SNTG1: variants seen among roughly 807,000 people sequenced by gnomAD.
The protein encoded by SNTG1 is gamma-1-syntrophin.
In SNTG1, 39 loss-of-function variants were observed where a neutral mutation model predicts 74.7. The observed-to-expected ratio is 0.52, with a 90% CI of 0.40 to 0.68. SNTG1 has a LOEUF of 0.68. SNTG1 is among the 30% of genes least tolerant of loss of function. SNTG1 has a pLI of 0.00. For synonymous variants in SNTG1, 254 were observed against 217.1 expected (o/e 1.17, Z -1.49); for missense variants, 685 against 609.5 (o/e 1.12, Z -1.30).
chr8:50,562,052 T>G (rs75570354), intron 12 of SNTG1, among the ~76,000 whole-genome samples: 5,125 of 152,318 alleles, frequency 0.034, 138 homozygotes, highest in African/African-American at 0.064. Context: ...CTCCTAAAAT[T>G]TTCTGATTTA....
chr8:50,768,871 T>C (rs113632688), intron 18 of SNTG1, among the ~76,000 whole-genome samples: 115 of 152,176 alleles, frequency 7.6e-4, no homozygotes, highest in African/African-American at 2.5e-3. Context: ...TGTGCAGGTG[T>C]GTGTTTGTGT....
intron 8 of SNTG1, among the ~76,000 whole-genome samples, chr8:50,470,408 T>C (rs2093642441): frequency 6.6e-6 from 1 of 152,160 alleles, no homozygotes; most frequent in Non-Finnish European, 1.5e-5. Flanking sequence ...TTCTTAAAGA[T>C]GGTGTGTCTG....
At chr8:50,464,824 T>A (rs903098108) in intron 8 of SNTG1, among the ~76,000 whole-genome samples, 1 of 152,054 alleles carries the variant, frequency 6.6e-6, no homozygotes, top group Non-Finnish European at 1.5e-5. Flanking sequence ...TCTGTTAACA[T>A]AGTATCTGTT....
chr8:50,567,043 T>G (rs2094520021), intron 12 of SNTG1, among the ~76,000 whole-genome samples: 1 of 152,084 alleles, frequency 6.6e-6, no homozygotes, highest in African/African-American at 2.4e-5. Context: ...GTATAAGAGT[T>G]TACACATCTT....
chr8:50,469,388 C>G (rs770679669), intron 8 of SNTG1, among the ~76,000 whole-genome samples: 1 of 152,144 alleles, frequency 6.6e-6, no homozygotes, highest in African/African-American at 2.4e-5. Flanking sequence ...GTGTCCACCC[C>G]CACCACGGTC....
At chr8:50,580,733 G>T (rs1218237623) in intron 12 of SNTG1, among the ~76,000 whole-genome samples, 1 of 152,030 alleles carries the variant, frequency 6.6e-6, no homozygotes, top group African/African-American at 2.4e-5. Context: ...GTTTCTTGAG[G>T]CCTCCCCAGG....
At chr8:50,227,424 C>T (rs1007338179) in intron 2 of SNTG1, among the ~76,000 whole-genome samples, 17 of 152,112 alleles carry the variant, frequency 1.1e-4, no homozygotes, top group African/African-American at 4.1e-4. Context: ...AAAACCTACT[C>T]TACAAGGCAA....
At chr8:50,604,441 A>C (rs905007132) in intron 13 of SNTG1, among the ~76,000 whole-genome samples, 3 of 152,100 alleles carry the variant, frequency 2.0e-5, no homozygotes, top group Admixed American at 2.0e-4. Flanking sequence ...AAAAAAAGAA[A>C]ACCTTAGAAA....
intron 13 of SNTG1, among the ~76,000 whole-genome samples, chr8:50,600,092 G>T (rs1412588728): frequency 6.6e-6 from 1 of 152,132 alleles, no homozygotes; most frequent in East Asian, 1.9e-4. Flanking sequence ...CTGTTGACAT[G>T]ATGTGTCACA....
chr8:50,374,910 G>A (rs563113119), intron 2 of SNTG1, among the ~76,000 whole-genome samples: 3 of 152,060 alleles, frequency 2.0e-5, no homozygotes, highest in South Asian at 2.1e-4. Context: ...TGTTTTCATC[G>A]TGAAGAAAGA....
intron 17 of SNTG1, among the ~76,000 whole-genome samples, chr8:50,745,383 AAAAC>A (rs1181065734): frequency 1.3e-5 from 2 of 151,994 alleles, no homozygotes; most frequent in Non-Finnish European, 2.9e-5. Context: ...AATCAGAAAG[AAAAC>A]AAACAAAGTT....
intron 12 of SNTG1, among the ~76,000 whole-genome samples, chr8:50,564,345 T>C (rs200361859): frequency 6.6e-6 from 1 of 152,240 alleles, no homozygotes; most frequent in East Asian, 1.9e-4. Context: ...CAATAATATA[T>C]AAACATATAT....
intron 1 of SNTG1, among the ~76,000 whole-genome samples, chr8:50,091,989 A>C (rs1455958171): frequency 1.3e-5 from 2 of 152,146 alleles, no homozygotes; most frequent in African/African-American, 2.4e-5. Context: ...TAAAAAAAAC[A>C]AAAACCAAAA....
At chr8:50,691,177 A>G (rs191818409) in intron 15 of SNTG1, among the ~76,000 whole-genome samples, 56 of 152,248 alleles carry the variant, frequency 3.7e-4, no homozygotes, top group African/African-American at 1.3e-3. Flanking sequence ...AATACAGCAC[A>G]TTGGTGGGTC....
intron 1 of SNTG1, among the ~76,000 whole-genome samples, chr8:50,109,806 G>A (rs951921850): frequency 6.6e-5 from 10 of 152,184 alleles, no homozygotes; most frequent in Admixed American, 5.9e-4. Flanking sequence ...GAAAGGTGAG[G>A]CAGAGTGGGC....
chr8:50,151,747 T>C (rs1451917642), intron 1 of SNTG1, among the ~76,000 whole-genome samples: 2 of 152,240 alleles, frequency 1.3e-5, no homozygotes, highest in Non-Finnish European at 2.9e-5. Flanking sequence ...TCCTGAGTTC[T>C]AGTTTGATTG....
intron 16 of SNTG1, 106 bp downstream of exon 16, chr8:50,704,858 A>C (rs1209199836): frequency 7.5e-7 from 1 of 1,328,944 alleles, no homozygotes; most frequent in Non-Finnish European, 1.0e-6. Context: ...AGTTCTGGGA[A>C]TCTTGACCTC....
chr8:50,716,342 C>G (rs2095474989), intron 17 of SNTG1, among the ~76,000 whole-genome samples: 1 of 152,046 alleles, frequency 6.6e-6, no homozygotes, highest in Admixed American at 6.5e-5. Flanking sequence ...GAAATCTTCA[C>G]TATACAAGTT....
intron 1 of SNTG1, among the ~76,000 whole-genome samples, chr8:49,975,066 T>C (rs1812065196): frequency 6.6e-6 from 1 of 152,122 alleles, no homozygotes; most frequent in African/African-American, 2.4e-5. Flanking sequence ...ATGTCCAAAC[T>C]GTCAGTGATG....
Sources: gnomAD v4.1 joint callset for allele counts (sites outside exome capture counted in the v4.1 genomes callset) on GRCh38, gnomAD v4.1.1 for gene constraint, MANE v1.5 for transcripts, NCBI Gene and HGNC (gene_info 2026-07-23, HGNC 2026-07-21) for gene names.